The following DHRSX variants were observed in gnomAD, a reference collection of about 807,000 sequenced individuals.
DHRSX encodes the protein polyprenol dehydrogenase.
A neutral mutation model predicts 34.0 loss-of-function variants in DHRSX; 31 were observed. That is an observed-to-expected ratio of 0.91 (90% CI 0.69 to 1.23). The LOEUF (loss-of-function observed/expected upper bound fraction) is 1.23, where lower values mean the gene tolerates loss of function less well. DHRSX is among the 50% of genes most tolerant of loss of function. DHRSX has a pLI of 0.00. For missense variants in DHRSX, 414 were observed against 428.1 expected (o/e 0.97, Z 0.29); for synonymous variants, 201 against 183.8 (o/e 1.09, Z -0.76).
intron 3 of DHRSX, among the ~76,000 whole-genome samples, chrX:2,345,882 C>T (rs1425511327): frequency 2.6e-5 from 4 of 152,132 alleles, no homozygotes; most frequent in Non-Finnish European, 5.9e-5. Flanking sequence ...CATCTTGAGA[C>T]TTGCCAGCCT....
At chrX:2,246,147 GAT>G (rs1157307798) in intron 5 of DHRSX, among the ~76,000 whole-genome samples, 1 of 151,962 alleles carries the variant, frequency 6.6e-6, no homozygotes, top group Non-Finnish European at 1.5e-5. Context: ...AGCCATCTCA[GAT>G]ATAGTTTGAA....
chrX:2,423,359 G>C (rs1306545033), intron 2 of DHRSX, among the ~76,000 whole-genome samples: 16 of 152,168 alleles, frequency 1.1e-4, no homozygotes, highest in East Asian at 7.8e-4. Flanking sequence ...GATGCCGTGA[G>C]CCGAGGTCGT....
chrX:2,492,970 G>A (rs1306589324), intron 1 of DHRSX, among the ~76,000 whole-genome samples: 6 of 152,238 alleles, frequency 3.9e-5, no homozygotes, highest in Non-Finnish European at 4.4e-5. Flanking sequence ...CGCGGCCTGC[G>A]TTGCTGGCTT....
intron 1 of DHRSX, among the ~76,000 whole-genome samples, chrX:2,498,622 T>C (rs1426096707): frequency 3.5e-5 from 3 of 86,066 alleles, no homozygotes; most frequent in South Asian, 4.7e-4. Flanking sequence ...AATCAGTAAA[T>C]GGGAAAAAAA....
intron 3 of DHRSX, among the ~76,000 whole-genome samples, chrX:2,375,473 G>T (rs182251563): frequency 7.2e-6 from 1 of 137,966 alleles, no homozygotes; most frequent in African/African-American, 2.5e-5. Context: ...CTGGGCACAC[G>T]CCGTGTGGAT....
intron 3 of DHRSX, among the ~76,000 whole-genome samples, chrX:2,396,379 T>TTTTTC (rs2043410565): frequency 7.2e-6 from 1 of 139,198 alleles, no homozygotes; most frequent in Non-Finnish European, 1.6e-5. Flanking sequence ...CTTTTTCTTT[T>TTTTTC]TTTTTTTTTT....
At chrX:2,359,488 C>G (rs1195864264) in intron 3 of DHRSX, among the ~76,000 whole-genome samples, 1 of 152,014 alleles carries the variant, frequency 6.6e-6, no homozygotes, top group Non-Finnish European at 1.5e-5. Flanking sequence ...CCAGTCTGGC[C>G]AACACATGGT....
At position 2,443,703 on chromosome X, in the gene DHRSX, A is replaced by G. The variant is rs1268150318; in HGVS notation, c.110-18399T>C. Among the ~76,000 whole-genome samples the G allele has an allele frequency of 3.9e-5, 6 of 152,062 alleles. No homozygotes were observed. The East Asian group carries it at 1.2e-3, about 29-fold the overall frequency. On this transcript the variant is annotated intron_variant, in intron 1 of 6. Coordinates refer to ENST00000334651, the MANE Select transcript of DHRSX (RefSeq NM_145177.3). ...AATAACTCGTGTGAGAGAAGATGAG[A>G]TGGTAAAAAAAAGAGCCAATGGGCC...
At chrX:2,450,857 T>C (rs2044207037) in intron 1 of DHRSX, among the ~76,000 whole-genome samples, 1 of 151,426 alleles carries the variant, frequency 6.6e-6, no homozygotes, top group Non-Finnish European at 1.5e-5. Context: ...GACAATGGAG[T>C]CAGGAGGTGG....
intron 3 of DHRSX, among the ~76,000 whole-genome samples, chrX:2,391,882 G>A (rs1382819245): frequency 6.6e-6 from 1 of 152,080 alleles, no homozygotes; most frequent in African/African-American, 2.4e-5. Flanking sequence ...GGCCAAGATT[G>A]CACCACTGCA....
intron 1 of DHRSX, among the ~76,000 whole-genome samples, chrX:2,479,157 C>A (rs906204201): frequency 2.0e-5 from 3 of 151,368 alleles, no homozygotes; most frequent in Non-Finnish European, 4.4e-5. Flanking sequence ...GGACTGCTGC[C>A]CTGTACACAC....
intron 6 of DHRSX, among the ~76,000 whole-genome samples, chrX:2,231,941 C>G (rs775918176): frequency 1.5e-4 from 23 of 148,718 alleles, no homozygotes; most frequent in African/African-American, 5.8e-4. Context: ...TCTTCCTCTT[C>G]TCTCCTCCTT....
At chrX:2,407,428 T>C (rs2043570327) in intron 3 of DHRSX, among the ~76,000 whole-genome samples, 1 of 152,182 alleles carries the variant, frequency 6.6e-6, no homozygotes, top group Admixed American at 6.5e-5. Context: ...CGTGGGCAAT[T>C]CATATGGTCG....
At chrX:2,348,166 AT>A (rs1295084345) in intron 3 of DHRSX, among the ~76,000 whole-genome samples, 1 of 152,218 alleles carries the variant, frequency 6.6e-6, no homozygotes, top group African/African-American at 2.4e-5. Flanking sequence ...GCAAAAGAGA[AT>A]AGAGAAGCAG....
intron 3 of DHRSX, among the ~76,000 whole-genome samples, chrX:2,349,086 G>A (rs1299328767): frequency 6.6e-6 from 1 of 152,030 alleles, no homozygotes; most frequent in Non-Finnish European, 1.5e-5. Context: ...TACAGTAAAT[G>A]GTACGGACGT....
At chrX:2,492,756 A>C (rs1392140065) in intron 1 of DHRSX, among the ~76,000 whole-genome samples, 4 of 152,136 alleles carry the variant, frequency 2.6e-5, no homozygotes, top group South Asian at 2.1e-4. Flanking sequence ...GGCAGGAAGC[A>C]CCCTCCGCGT....
intron 1 of DHRSX, among the ~76,000 whole-genome samples, chrX:2,442,768 C>A (rs1390667815): frequency 6.6e-6 from 1 of 152,082 alleles, no homozygotes; most frequent in South Asian, 2.1e-4. Context: ...TTAACTGCCA[C>A]GTAGAAGCTC....
chrX:2,499,203 CCA>C (rs1332283816), intron 1 of DHRSX, among the ~76,000 whole-genome samples: 1 of 152,012 alleles, frequency 6.6e-6, no homozygotes, highest in Non-Finnish European at 1.5e-5. Context: ...TGGCTGACTC[CCA>C]GTCTCCCAGA....
rs1400470778 is a variant in DHRSX at position 2,249,989 on chromosome X, C to T, written c.597-6759G>A. Among the ~76,000 whole-genome samples, 7 of 151,586 alleles carry T rather than the reference C, an allele frequency of 4.6e-5. No individual in the cohort carries two copies. The East Asian group carries it at 1.4e-3, about 30-fold the overall frequency. ...CCATCCTGGCTAACACGGTGAAACC[C>T]CGTCTCTATTAAAAATACAAAAAGT... On this transcript the variant is annotated intron_variant, in intron 5 of 6. Coordinates refer to ENST00000334651, the MANE Select transcript of DHRSX (RefSeq NM_145177.3).
Sources: gnomAD v4.1 joint callset for allele counts (sites outside exome capture counted in the v4.1 genomes callset) on GRCh38, gnomAD v4.1.1 for gene constraint, MANE v1.5 for transcripts, NCBI Gene and HGNC (gene_info 2026-07-23, HGNC 2026-07-21) for gene names.